MGMT: variants seen among roughly 807,000 people sequenced by gnomAD.
MGMT encodes methylated-DNA--protein-cysteine methyltransferase.
MGMT carries 14 observed loss-of-function variants against 15.9 expected under a neutral mutation model. That is an observed-to-expected ratio of 0.88 (90% CI 0.58 to 1.37). The LOEUF is 1.37. Ranked by LOEUF, MGMT falls within the 40% of genes most tolerant of loss-of-function variation. MGMT has a pLI of 0.00. For synonymous variants in MGMT, 130 were observed against 118.2 expected (o/e 1.10, Z -0.65); for missense variants, 282 against 268.1 (o/e 1.05, Z -0.36).
intron 3 of MGMT, chr10:129,715,498 T>C (rs1040703618): frequency 6.6e-6 from 1 of 152,262 alleles, no homozygotes; most frequent in Non-Finnish European, 1.5e-5. Flanking sequence ...AATATGTTTC[T>C]AAATTTCTAT....
chr10:129,487,776 T>C (rs140805607), intron 1 of MGMT, among the ~76,000 whole-genome samples: 260 of 152,196 alleles, frequency 1.7e-3, no homozygotes, highest in African/African-American at 5.9e-3. Flanking sequence ...ATTTTCTTTA[T>C]ACACTGCTAA....
At position 129,759,277 on chromosome 10, in the gene MGMT, TAGC is replaced by T. The variant is rs1848842834; in HGVS notation, c.354_356del (p.Ala119del). 1 of 1,614,044 alleles carries T rather than the reference TAGC, an allele frequency of 6.2e-7. No individual in the cohort carries two copies. Among genetic ancestry groups the T allele is most frequent in the African/African-American group, 1.3e-5 (1 of 74,930 alleles). ...GGAGAAGTGATTTCTTACCAGCAATTAGCAGCCCTGGCAGGCAACCCCAAAGCC... is the reference window on the plus strand; with the variant it reads ...GGAGAAGTGATTTCTTACCAGCAATTAGCCCTGGCAGGCAACCCCAAAGCC... On this transcript the variant is annotated inframe_deletion, in exon 4 of 5. Coordinates refer to ENST00000651593, the MANE Select transcript of MGMT (RefSeq NM_002412.5).
intron 1 of MGMT, among the ~76,000 whole-genome samples, chr10:129,499,477 T>C (rs1157249673): frequency 6.6e-6 from 1 of 152,242 alleles, no homozygotes; most frequent in East Asian, 1.9e-4. Context: ...CTACTGTTGT[T>C]ATGTGAAGAA....
chr10:129,492,776 C>T (rs569905031), intron 1 of MGMT, among the ~76,000 whole-genome samples: 11 of 152,298 alleles, frequency 7.2e-5, no homozygotes, highest in East Asian at 3.9e-4. Flanking sequence ...TTTTAAAAGA[C>T]GAGTTTTGTA....
intron 3 of MGMT, among the ~76,000 whole-genome samples, chr10:129,750,842 TGTA>T (rs1301123294): frequency 4.6e-5 from 7 of 152,126 alleles, no homozygotes; most frequent in African/African-American, 1.7e-4. Flanking sequence ...TCTTGATTAC[TGTA>T]GTTTCATAAT....
At chr10:129,581,233 C>T (rs80236404) in intron 2 of MGMT, among the ~76,000 whole-genome samples, 40 of 152,240 alleles carry the variant, frequency 2.6e-4, no homozygotes, top group East Asian at 2.3e-3. Flanking sequence ...TCATTCCATC[C>T]GCTGTGGCTG....
chr10:129,591,561 G>A (rs995157905), intron 2 of MGMT, among the ~76,000 whole-genome samples: 4 of 152,218 alleles, frequency 2.6e-5, no homozygotes, highest in Admixed American at 2.6e-4. Context: ...ATCCAGGCCA[G>A]GCCCCAGACC....
At chr10:129,605,058 T>C (rs1846872832) in intron 2 of MGMT, among the ~76,000 whole-genome samples, 2 of 152,190 alleles carry the variant, frequency 1.3e-5, no homozygotes, top group Admixed American at 1.3e-4. Context: ...AATTTCAGGA[T>C]GCAAAAACTT....
At chr10:129,577,985 G>A (rs1006842344) in intron 2 of MGMT, among the ~76,000 whole-genome samples, 3 of 152,150 alleles carry the variant, frequency 2.0e-5, no homozygotes, top group East Asian at 3.9e-4. Flanking sequence ...ACAATGAGAT[G>A]CCATCTCACA....
chr10:129,600,101 C>A (rs1846801916), intron 2 of MGMT, among the ~76,000 whole-genome samples: 1 of 152,156 alleles, frequency 6.6e-6, no homozygotes, highest in Non-Finnish European at 1.5e-5. Context: ...CTGTGTGGTG[C>A]AGGGAGTCTA....
At chr10:129,468,768 C>A (rs749772127) in intron 1 of MGMT, among the ~76,000 whole-genome samples, 8 of 152,060 alleles carry the variant, frequency 5.3e-5, no homozygotes, top group Non-Finnish European at 1.0e-4. Flanking sequence ...GCTGGTAATC[C>A]CAGTTACTTG....
intron 2 of MGMT, among the ~76,000 whole-genome samples, chr10:129,613,256 A>G (rs1184681319): frequency 6.6e-6 from 1 of 152,212 alleles, no homozygotes; most frequent in Non-Finnish European, 1.5e-5. Context: ...CAAGAGAGTC[A>G]CTGTGAAGGA....
At chr10:129,638,429 C>CA in intron 2 of MGMT, among the ~76,000 whole-genome samples, 6,295 of 61,420 alleles carry the variant, frequency 0.1, 311 homozygotes, top group Middle Eastern at 0.19. Context: ...ACCAAAGAGG[C>CA]AAAAAAAAAA....
chr10:129,582,829 G>A (rs895401395), intron 2 of MGMT, among the ~76,000 whole-genome samples: 6 of 152,134 alleles, frequency 3.9e-5, no homozygotes, highest in Non-Finnish European at 8.8e-5. Flanking sequence ...GTGGCTTGGC[G>A]ACTTCATATT....
At chr10:129,710,533 C>T (rs1231960773) in intron 3 of MGMT, among the ~76,000 whole-genome samples, 3 of 152,178 alleles carry the variant, frequency 2.0e-5, no homozygotes, top group East Asian at 1.9e-4. Flanking sequence ...TTAGCTCAAT[C>T]GTTTACTCCT....
At chr10:129,553,930 C>T (rs959846852) in intron 2 of MGMT, among the ~76,000 whole-genome samples, 4 of 152,214 alleles carry the variant, frequency 2.6e-5, no homozygotes, top group African/African-American at 4.8e-5. Flanking sequence ...CTGGGGAAGA[C>T]GTTTCTCCCC....
chr10:129,736,992 A>T (rs899561089), intron 3 of MGMT, among the ~76,000 whole-genome samples: 4 of 151,828 alleles, frequency 2.6e-5, no homozygotes, highest in African/African-American at 9.7e-5. Context: ...TGCCCTTAAC[A>T]TTTTTCCTTC....
chr10:129,704,863 A>T (rs1342551866), intron 2 of MGMT, among the ~76,000 whole-genome samples: 2 of 152,138 alleles, frequency 1.3e-5, no homozygotes, highest in Admixed American at 1.3e-4. Flanking sequence ...CCTCCAGCAC[A>T]GGACAGCGTG....
intron 1 of MGMT, among the ~76,000 whole-genome samples, chr10:129,472,037 AGCACGGGCAACCC>A (rs1845237492): frequency 6.6e-6 from 1 of 152,256 alleles, no homozygotes; most frequent in Non-Finnish European, 1.5e-5. Flanking sequence ...ACACACGCGA[AGCACGGGCAACCC>A]GTATCATATT....
Sources: gnomAD v4.1 joint callset for allele counts (sites outside exome capture counted in the v4.1 genomes callset) on GRCh38, gnomAD v4.1.1 for gene constraint, MANE v1.5 for transcripts, NCBI Gene and HGNC (gene_info 2026-07-23, HGNC 2026-07-21) for gene names.